Variants in PHRF1 observed in about 807,000 individuals in gnomAD.
The protein encoded by PHRF1 is PHD and ring finger domains 1, also known as PHD and RING finger domain-containing protein 1.
In PHRF1, 53 loss-of-function variants were observed where a neutral mutation model predicts 128.9. The observed-to-expected ratio is 0.41, with a 90% CI of 0.33 to 0.52. The LOEUF is 0.52. Ranked by LOEUF, PHRF1 falls within the 20% of genes least tolerant of loss-of-function variation. PHRF1 has a pLI of 0.21. For missense variants in PHRF1, 2,503 were observed against 2,284.5 expected (o/e 1.10, Z -1.95); for synonymous variants, 1,178 against 980.6 (o/e 1.20, Z -3.76).
At chr11:580,488 C>A (rs1854139645) in intron 1 of PHRF1, among the ~76,000 whole-genome samples, 1 of 152,190 alleles carries the variant, frequency 6.6e-6, no homozygotes, top group Admixed American at 6.5e-5. Context: ...CTGGGTACCA[C>A]TGGGGACTCA....
At chr11:593,974 A>C (rs1016621933) in intron 6 of PHRF1, among the ~76,000 whole-genome samples, 2 of 152,136 alleles carry the variant, frequency 1.3e-5, no homozygotes, top group African/African-American at 4.8e-5. Flanking sequence ...GCAGGCACTG[A>C]GTTGGTTGCT....
chr11:594,416 T>C (rs1283287180), intron 6 of PHRF1, among the ~76,000 whole-genome samples: 1 of 152,228 alleles, frequency 6.6e-6, no homozygotes, highest in Non-Finnish European at 1.5e-5. Context: ...GCTTTTATTT[T>C]ACTCATTTAC....
chr11:593,589 C>CA (rs1378834628), intron 6 of PHRF1, among the ~76,000 whole-genome samples: 2 of 152,264 alleles, frequency 1.3e-5, no homozygotes, highest in Non-Finnish European at 2.9e-5. Context: ...CTGCTCCACT[C>CA]ACGCTGTTGT....
rs377241083 is a variant in PHRF1 at position 592,561 on chromosome 11, C to T, written c.507C>T (p.Ile169=). The T allele has an allele frequency of 1.9e-6, 3 of 1,613,962 alleles. No individual in the cohort carries two copies. Among genetic ancestry groups the T allele is most frequent in the Non-Finnish European group, 2.5e-6 (3 of 1,179,818 alleles). The change falls in exon 6 of 18, where the codon ATC becomes ATT. Residue 169 remains isoleucine (I), a splice_region_variant and synonymous_variant. Transcript: ENST00000264555. ...GGTGACCGACGATTCTGTCCTAGAT[C>T]CCAGTGGAGAACACCAAAGCGAGCG... ...AQFGGKILRK[I]PVENTKASEE... is the part of the protein sequence containing the mutation.
chr11:611,493 C>A, intron 17 of PHRF1, 141 bp from the exon 18 acceptor site: 1 of 1,218,074 alleles, frequency 8.2e-7, no homozygotes, highest in Non-Finnish European at 1.1e-6. Context: ...GTGGGGCGGC[C>A]TCTGCCGCCG....
At chr11:604,380 G>A (rs547449935) in intron 10 of PHRF1, among the ~76,000 whole-genome samples, 7 of 152,370 alleles carry the variant, frequency 4.6e-5, no homozygotes, top group East Asian at 3.9e-4. Context: ...CAGCCACAGC[G>A]GGAGGCTGCC....
At chr11:589,589 C>T (rs7103762) in intron 4 of PHRF1, among the ~76,000 whole-genome samples, 4,888 of 150,568 alleles carry the variant, frequency 0.032, 260 homozygotes, top group African/African-American at 0.11. Flanking sequence ...GGGCAGGAGG[C>T]GCCTGTGGGG....
At chr11:581,455 G>A (rs190403153) in intron 1 of PHRF1, 37 bp from the exon 2 acceptor site, 3 of 1,589,926 alleles carry the variant, frequency 1.9e-6, no homozygotes, top group Non-Finnish European at 2.6e-6. Context: ...TGCAGCCTGG[G>A]ACAGTTTGGA....
intron 10 of PHRF1, among the ~76,000 whole-genome samples, chr11:604,024 C>T: frequency 6.6e-6 from 1 of 152,134 alleles, no homozygotes; most frequent in East Asian, 1.9e-4. Context: ...GTTTTAAATG[C>T]ATTATTCGAA....
chr11:611,830 G>A lies in PHRF1; in HGVS notation c.*53G>A, dbSNP rs368863354. ...GGAGCTGTCGGGAGTGGCGGGAATC[G>A]GGGCCATGCCCGGGGAGCTGTCGGG... On this transcript the variant is annotated 3_prime_UTR_variant, in exon 18 of 18. Transcript: ENST00000264555. The A allele has an allele frequency of 1.5e-3, 2,259 of 1,539,148 alleles. 74 individuals carry two copies. In the East Asian group the frequency reaches 0.044, roughly 30 times the overall value.
chr11:582,790 C>T (rs1854285230), intron 3 of PHRF1, among the ~76,000 whole-genome samples: 1 of 151,776 alleles, frequency 6.6e-6, no homozygotes, highest in South Asian at 2.1e-4. Context: ...TCCCAAAGTG[C>T]TGGGATTACA....
intron 9 of PHRF1, among the ~76,000 whole-genome samples, chr11:600,059 T>C (rs1225709815): frequency 6.6e-6 from 1 of 151,920 alleles, no homozygotes; most frequent in Non-Finnish European, 1.5e-5. Context: ...AGTGAGCTCA[T>C]TTGTGTTAAA....
At position 608,080 on chromosome 11, in the gene PHRF1, C is replaced by T. The variant is rs760418564; in HGVS notation, c.2624C>T (p.Ala875Val). 4.3e-6 allele frequency: 7 copies of T among 1,611,636 alleles called. No individual in the cohort carries two copies. The South Asian group carries it at 7.7e-5, about 18-fold the overall frequency. ...AGCCCGAAGGCCCAGACGGTGCAGG[C>T]TGTGCGCTGCGTCACCTCCTACACG... is the stretch of plus-strand genomic sequence containing the variant. ...INSPKAQTVQ[A>V]VRCVTSYTVE... Residue 875 changes from alanine (A) to valine (V), a missense_variant, in exon 14 of 18, where the codon GCT (alanine) becomes GTT (valine). Physicochemically the swap from Ala to Val is moderately conservative, Grantham distance 64 (BLOSUM62 0). Transcript: ENST00000264555.
chr11:606,297 C>T lies in PHRF1; in HGVS notation c.1455-145C>T, dbSNP rs573257283. The T allele has an allele frequency of 1.4e-5, 15 of 1,108,410 alleles. No individual in the cohort carries two copies. In the South Asian group the frequency reaches 2.6e-4, roughly 19 times the overall value. 68.7% of individuals were successfully genotyped at this position (1,108,410 alleles called of 1,614,324 possible). On this transcript the variant is annotated intron_variant, in intron 12 of 17. Transcript: ENST00000264555. Reference sequence around the variant, plus strand: ...CCCCGGTGAGCACCTCTTAGAACAGCAGCCGGAGCCAGGGCTGTGGGGGAG... The same window carrying T: ...CCCCGGTGAGCACCTCTTAGAACAGTAGCCGGAGCCAGGGCTGTGGGGGAG...
At position 609,192 on chromosome 11, in the gene PHRF1, C is replaced by T. The variant is rs561940854; in HGVS notation, c.3736C>T (p.Leu1246=). The change falls in exon 14 of 18, where the codon CTG becomes TTG. Residue 1246 remains leucine (L), a synonymous_variant. Transcript: ENST00000264555. The part of the protein sequence containing the change: ...DKAPLQAPPV[L]EVAAECEPDD... ...GGCCCCCCTGCAGGCTCCCCCTGTCCTGGAGGTGGCAGCTGAGTGTGAGCC... is the reference window on the plus strand; with the variant it reads ...GGCCCCCCTGCAGGCTCCCCCTGTCTTGGAGGTGGCAGCTGAGTGTGAGCC... 3.0e-5 allele frequency: 48 copies of T among 1,608,074 alleles called. No homozygotes were observed. Among genetic ancestry groups the T allele is most frequent in the Non-Finnish European group, 3.6e-5 (43 of 1,179,710 alleles).
intron 5 of PHRF1, 64 bp from the exon 6 acceptor site, chr11:592,495 A>T: frequency 6.6e-7 from 1 of 1,506,136 alleles, no homozygotes; most frequent in Admixed American, 1.7e-5. Context: ...ACTGCGTTTC[A>T]CGCTGGGAAG....
At chr11:586,495 G>A (rs914192967) in intron 3 of PHRF1, among the ~76,000 whole-genome samples, 1 of 152,220 alleles carries the variant, frequency 6.6e-6, no homozygotes. Context: ...GGAACCGGGA[G>A]GGTTTGGAGG....
intron 6 of PHRF1, 133 bp downstream of exon 6, chr11:592,807 A>G: frequency 1.1e-6 from 1 of 933,358 alleles, no homozygotes; most frequent in Non-Finnish European, 1.7e-6. Flanking sequence ...CACCCTCAGC[A>G]GCGCGGTTCA....
intron 3 of PHRF1, among the ~76,000 whole-genome samples, chr11:582,428 C>G (rs937332309): frequency 3.9e-5 from 6 of 152,048 alleles, no homozygotes; most frequent in Non-Finnish European, 7.4e-5. Flanking sequence ...TGACACTTGG[C>G]TAATTACTTT....
Sources: allele counts gnomAD v4.1 joint callset (sites outside exome capture counted in the v4.1 genomes callset), GRCh38; gene constraint gnomAD v4.1.1; transcripts MANE v1.5; gene names NCBI Gene and HGNC (gene_info 2026-07-23, HGNC 2026-07-21).